The following RAB2A variants were observed in gnomAD, a reference collection of about 807,000 sequenced individuals.
The protein encoded by RAB2A is ras-related protein Rab-2A.
Under a neutral mutation model 32.5 loss-of-function variants are expected in RAB2A, and 7 were observed. The ratio of observed to expected loss-of-function variants is 0.22; its 90% confidence interval spans 0.12 to 0.40. The LOEUF is 0.40. Among genes scored for constraint, RAB2A ranks in the 10% least tolerant of loss-of-function variants. The pLI is 1.00. For missense variants in RAB2A, 108 were observed against 260.7 expected (o/e 0.41, Z 4.03); for synonymous variants, 79 against 85.2 (o/e 0.93, Z 0.40).
In RAB2A at chr8:60,623,619, G is replaced by A. The variant is rs185297839; in HGVS notation, c.*2850G>A. ...TGTTTACATTAAAATAAAGCCTAACGCCACAGTAGATCATCTCATACTGCA... is the reference window on the plus strand; with the variant it reads ...TGTTTACATTAAAATAAAGCCTAACACCACAGTAGATCATCTCATACTGCA... On this transcript the variant is annotated 3_prime_UTR_variant, in exon 8 of 8. Transcript: ENST00000262646. 3.2e-3 allele frequency: 483 copies of A among 152,246 alleles called. 2 individuals are homozygous for A. Among genetic ancestry groups the A allele is most frequent in the African/African-American group, 0.011 (455 of 41,544 alleles). 9.4% of individuals were successfully genotyped at this position (152,246 alleles called of 1,614,324 possible). A position where few individuals can be genotyped will look rare whatever the true frequency, so the allele number is the denominator to read the frequency against.
At chr8:60,542,664 G>A (rs1392496956) in intron 1 of RAB2A, among the ~76,000 whole-genome samples, 1 of 152,068 alleles carries the variant, frequency 6.6e-6, no homozygotes, top group Non-Finnish European at 1.5e-5. Context: ...TTTAATATTG[G>A]GGGTACTTTA....
In RAB2A at chr8:60,517,212, C is replaced by T; in HGVS notation, c.5C>T (p.Ala2Val). 1 of 1,490,210 alleles carries T rather than the reference C, an allele frequency of 6.7e-7. No homozygotes were observed. Among genetic ancestry groups the T allele is most frequent in the Non-Finnish European group, 8.9e-7 (1 of 1,118,890 alleles). The allele number at this position is 1,490,210 out of a possible 1,614,324, so 92.3% of individuals were successfully genotyped here. The change falls in exon 1 of 8, where the codon GCG becomes GTG. Residue 2 changes from alanine to valine, a missense_variant. Transcript: ENST00000262646. ...TGGCACTGAGCGGCCGCGGCCATGG[C>T]GTACGCCTATCTCTTCAAGTACATC... M[A>V]YAYLFKYIII...
chr8:60,599,848 A>G lies in RAB2A; in HGVS notation c.474+7879A>G, dbSNP rs1034119284. Among the ~76,000 whole-genome samples the G allele has an allele frequency of 4.6e-5, 7 of 152,294 alleles. No homozygotes were observed. In the South Asian group the frequency reaches 8.3e-4, roughly 18 times the overall value. On this transcript the variant is annotated intron_variant, in intron 6 of 7. Coordinates refer to ENST00000262646, the MANE Select transcript of RAB2A (RefSeq NM_002865.3). ...AAAAAAGAAAAAGAAAAATTTCAGT[A>G]TCTGAGCCTTAGCGTATGTGTCACC...
At chr8:60,611,516 G>A (rs193278335) in intron 6 of RAB2A, among the ~76,000 whole-genome samples, 121 of 152,174 alleles carry the variant, frequency 8.0e-4, no homozygotes, top group African/African-American at 2.9e-3. Context: ...TCGCATATTG[G>A]ATGCATATCT....
chr8:60,613,258 A>G (rs1188743941), intron 6 of RAB2A, among the ~76,000 whole-genome samples: 3 of 151,998 alleles, frequency 2.0e-5, no homozygotes, highest in Admixed American at 6.6e-5. Context: ...CACATTTAGC[A>G]CCAGTACTCC....
chr8:60,585,171 C>G (rs1016883140), intron 5 of RAB2A, among the ~76,000 whole-genome samples: 1 of 152,166 alleles, frequency 6.6e-6, no homozygotes, highest in Non-Finnish European at 1.5e-5. Context: ...AACCTTCTTG[C>G]TTGACCAGTT....
intron 1 of RAB2A, among the ~76,000 whole-genome samples, chr8:60,526,466 G>C (rs1377412793): frequency 2.6e-5 from 4 of 152,082 alleles, no homozygotes; most frequent in Non-Finnish European, 5.9e-5. Context: ...CCACTTTTAA[G>C]GACTCATGTG....
At chr8:60,572,220 A>G in intron 3 of RAB2A, 107 bp downstream of exon 3, 1 of 811,454 alleles carries the variant, frequency 1.2e-6, no homozygotes, top group South Asian at 1.7e-5. Context: ...TTTGTTAGAC[A>G]CTGACTTCCT....
chr8:60,547,980 G>A (rs1807771035), intron 1 of RAB2A, among the ~76,000 whole-genome samples: 1 of 49,536 alleles, frequency 2.0e-5, no homozygotes, highest in African/African-American at 1.0e-4. Context: ...CTCACTTCCC[G>A]GACGGGGCGG....
chr8:60,578,428 T>C (rs148642689), intron 3 of RAB2A, among the ~76,000 whole-genome samples: 21 of 152,310 alleles, frequency 1.4e-4, no homozygotes, highest in Middle Eastern at 3.4e-3. Flanking sequence ...CTTGAGCTGG[T>C]CCTCAAAGGA....
chr8:60,617,865 C>T (rs1804473086), intron 6 of RAB2A, among the ~76,000 whole-genome samples: 1 of 152,204 alleles, frequency 6.6e-6, no homozygotes, highest in Non-Finnish European at 1.5e-5. Flanking sequence ...TACTCATTAG[C>T]ATTCTCTCCC....
intron 6 of RAB2A, among the ~76,000 whole-genome samples, chr8:60,614,187 C>G (rs915466475): frequency 2.6e-5 from 3 of 115,784 alleles, no homozygotes; most frequent in Admixed American, 1.7e-4. Context: ...TTTAAAGACC[C>G]TGTTAGCACA....
chr8:60,615,358 A>G (rs1469144081), intron 6 of RAB2A, among the ~76,000 whole-genome samples: 2 of 152,226 alleles, frequency 1.3e-5, no homozygotes, highest in Non-Finnish European at 2.9e-5. Context: ...AACCATTCAA[A>G]TTAAACTAAT....
intron 7 of RAB2A, 53 bp downstream of exon 7, chr8:60,618,701 TTACTA>T (rs1342132960): frequency 1.5e-6 from 1 of 682,236 alleles, no homozygotes; most frequent in Non-Finnish European, 2.0e-6. Flanking sequence ...TCACTTTTGA[TTACTA>T]TTTTATATTT....
chr8:60,573,530 A>G (rs1243942290), intron 3 of RAB2A, among the ~76,000 whole-genome samples: 2 of 151,708 alleles, frequency 1.3e-5, no homozygotes, highest in South Asian at 2.1e-4. Flanking sequence ...TGAATTGTCC[A>G]CTCGACTCTG....
At chr8:60,604,533 G>A (rs1804194136) in intron 6 of RAB2A, among the ~76,000 whole-genome samples, 1 of 152,180 alleles carries the variant, frequency 6.6e-6, no homozygotes, top group Non-Finnish European at 1.5e-5. Flanking sequence ...TGCTGATAAT[G>A]ATGTGGACAA....
intron 3 of RAB2A, among the ~76,000 whole-genome samples, chr8:60,581,995 G>T (rs1210491272): frequency 6.7e-6 from 1 of 148,890 alleles, no homozygotes; most frequent in African/African-American, 2.5e-5. Context: ...GCCCAGGCTG[G>T]AGTGCAGTGG....
intron 6 of RAB2A, among the ~76,000 whole-genome samples, chr8:60,611,200 C>T (rs990521572): frequency 6.6e-6 from 1 of 152,190 alleles, no homozygotes; most frequent in Non-Finnish European, 1.5e-5. Context: ...GTATCGCCCC[C>T]TTGTGATTCA....
rs139423650 is a variant in RAB2A, at chr8:60,542,553, C to T, written c.47-16299C>T. Among the ~76,000 whole-genome samples the T allele has an allele frequency of 1.5e-4, 23 of 152,136 alleles. No individual in the cohort carries two copies. In the East Asian group the frequency reaches 4.3e-3, roughly 28 times the overall value. Reference sequence around the variant, plus strand: ...AACACTTAATAAATGTATGCAGAGGCCCAATGTGTAAGAGATACTGACATA... The same window carrying T: ...AACACTTAATAAATGTATGCAGAGGTCCAATGTGTAAGAGATACTGACATA... On this transcript the variant is annotated intron_variant, in intron 1 of 7. Transcript: ENST00000262646.
Sources: gnomAD v4.1 joint callset for allele counts (sites outside exome capture counted in the v4.1 genomes callset) on GRCh38, gnomAD v4.1.1 for gene constraint, MANE v1.5 for transcripts, NCBI Gene and HGNC (gene_info 2026-07-23, HGNC 2026-07-21) for gene names.